The following FAT1 variants were observed in gnomAD, a reference collection of about 807,000 sequenced individuals.
The protein encoded by FAT1 is FAT atypical cadherin 1, also known as protocadherin Fat 1.
In FAT1, 171 loss-of-function variants were observed where a neutral mutation model predicts 329.8. The observed-to-expected ratio is 0.52, with a 90% confidence interval of 0.46 to 0.59. The LOEUF (loss-of-function observed/expected upper bound fraction) is 0.59, where lower values mean the gene tolerates loss of function less well. FAT1 is among the 20% of genes least tolerant of loss of function. The pLI is 0.00. For missense variants in FAT1, 5,672 were observed against 5,774.4 expected, an observed-to-expected ratio of 0.98 and a Z score of 0.57; for synonymous variants, 2,233 against 2,228.6, an observed-to-expected ratio of 1.00 and a Z score of -0.06.
Position 186,700,831 on chromosome 4 carries a change from C to G in FAT1, c.3265+5732G>C, listed in dbSNP as rs545895560. On this transcript the variant is annotated intron_variant, in intron 2 of 26. Transcript: ENST00000441802. ...CACACAGAATGCCGGGCCCAGTGCC[C>G]GGCTGTGACACTCAGTGTCGTGGTT... 1.6e-4 allele frequency among the ~76,000 whole-genome samples: 24 copies of G among 152,306 alleles called. No individual in the cohort carries two copies. The East Asian group carries it at 4.5e-3, about 28-fold the overall frequency.
Position 186,709,815 on chromosome 4 carries a change from A to G in FAT1, c.13T>C (p.Leu5=), listed in dbSNP as rs752744494. Residue 5 remains leucine (L), a synonymous_variant, in exon 2 of 27, where the codon TTG becomes CTG. Transcript: ENST00000441802. ...AGGAGCAGAAGCAGGAGCAAAGCCA[A>G]ATGTCTCCCCATTGCTTAACTGTCG... The part of the protein sequence containing the change: MGRH[L]ALLLLLLLLF... 1 of 1,603,284 alleles carries G rather than the reference A, an allele frequency of 6.2e-7. No individual in the cohort carries two copies.
chr4:186,671,237 A>G (rs1323601630), intron 2 of FAT1, among the ~76,000 whole-genome samples: 1 of 152,194 alleles, frequency 6.6e-6, no homozygotes, highest in Non-Finnish European at 1.5e-5. Flanking sequence ...TGTGTGTATA[A>G]GAAACTTTAC....
At chr4:186,726,200 C>T (rs1350782313), upstream of FAT1, among the ~76,000 whole-genome samples, 1 of 152,252 alleles carries the variant, frequency 6.6e-6, no homozygotes, top group Non-Finnish European at 1.5e-5. Flanking sequence ...CGCCGATCCG[C>T]ACAAAGCCAG....
intron 3 of FAT1, among the ~76,000 whole-genome samples, chr4:186,649,948 T>TG: frequency 6.6e-6 from 1 of 152,356 alleles, no homozygotes; most frequent in Admixed American, 6.5e-5. Flanking sequence ...CTAAAAGAAT[T>TG]GGGTAACACT....
At chr4:186,689,239 T>C (rs1235831511) in intron 2 of FAT1, among the ~76,000 whole-genome samples, 1 of 152,236 alleles carries the variant, frequency 6.6e-6, no homozygotes, top group Non-Finnish European at 1.5e-5. Flanking sequence ...TAAAGAAGAT[T>C]TGTATCTTGT....
chr4:186,688,257 G>T (rs1379536285), intron 2 of FAT1, among the ~76,000 whole-genome samples: 1 of 152,010 alleles, frequency 6.6e-6, no homozygotes, highest in Non-Finnish European at 1.5e-5. Context: ...CAGAGATATG[G>T]CAAGATGCAC....
At chr4:186,717,224 C>T (rs1745253310) in intron 1 of FAT1, among the ~76,000 whole-genome samples, 1 of 152,108 alleles carries the variant, frequency 6.6e-6, no homozygotes, top group South Asian at 2.1e-4. Context: ...AGCTTTCATC[C>T]TTACACTGAA....
chr4:186,682,194 C>G (rs1421437351), intron 2 of FAT1, among the ~76,000 whole-genome samples: 1 of 152,160 alleles, frequency 6.6e-6, no homozygotes, highest in African/African-American at 2.4e-5. Flanking sequence ...CCTAAGATTT[C>G]TTTCAAAATA....
chr4:186,692,412 A>C (rs995394928), intron 2 of FAT1, among the ~76,000 whole-genome samples: 14 of 152,046 alleles, frequency 9.2e-5, no homozygotes, highest in Non-Finnish European at 1.6e-4. Context: ...TCCCGGGTTC[A>C]CGCCATTCTC....
intron 3 of FAT1, among the ~76,000 whole-genome samples, chr4:186,648,585 C>T (rs1393445500): frequency 6.6e-6 from 1 of 152,098 alleles, no homozygotes; most frequent in Non-Finnish European, 1.5e-5. Context: ...GATGCTCTAG[C>T]CCAAATCCTG....
At chr4:186,658,057 AC>A (rs1393085709) in intron 3 of FAT1, among the ~76,000 whole-genome samples, 1 of 152,220 alleles carries the variant, frequency 6.6e-6, no homozygotes, top group Non-Finnish European at 1.5e-5. Flanking sequence ...TCTCTCTTCC[AC>A]CTTGAGCAAG....
rs369644844 is a variant in FAT1, at chr4:186,611,415, T to C, written c.9824A>G (p.His3275Arg). 5.0e-6 allele frequency: 8 copies of C among 1,613,142 alleles called. No individual in the cohort carries two copies. Among genetic ancestry groups the C allele is most frequent in the South Asian group, 1.1e-5 (1 of 90,922 alleles). The change falls in exon 14 of 27, where the codon CAT (histidine) becomes CGT (arginine). Residue 3275 changes from histidine to arginine, a missense_variant. Transcript: ENST00000441802. ...ITYSIISGNE[H>R]GKFSIDSKTG... is the part of the protein sequence containing the mutation. Reference sequence around the variant, plus strand: ...TTTAGAATCTATGCTGAATTTCCCATGTTCATTTCCACTTATTATTGAGTA... The same window carrying C: ...TTTAGAATCTATGCTGAATTTCCCACGTTCATTTCCACTTATTATTGAGTA...
intron 7 of FAT1, among the ~76,000 whole-genome samples, chr4:186,629,717 C>T (rs1039306196): frequency 6.6e-6 from 1 of 152,208 alleles, no homozygotes; most frequent in Non-Finnish European, 1.5e-5. Flanking sequence ...ATGAGGGCTA[C>T]ATCAGTGTTC....
chr4:186,594,150 A>G (rs1473678568), intron 26 of FAT1, among the ~76,000 whole-genome samples: 1 of 151,808 alleles, frequency 6.6e-6, no homozygotes, highest in Admixed American at 6.6e-5. Flanking sequence ...ACTGCAAGCT[A>G]CAACTCCCGG....
chr4:186,646,282 C>G (rs1005277197), intron 3 of FAT1, among the ~76,000 whole-genome samples: 2 of 152,084 alleles, frequency 1.3e-5, no homozygotes, highest in Non-Finnish European at 2.9e-5. Flanking sequence ...TCTGGTCACC[C>G]GATACCTTCC....
intron 26 of FAT1, chr4:186,590,496 A>G: frequency 1.2e-6 from 1 of 844,760 alleles, no homozygotes; most frequent in Non-Finnish European, 1.7e-6. Context: ...AACAATGAAA[A>G]CTGCTTACAG....
rs1374501296 is a variant in FAT1, at chr4:186,603,872, T to G, written c.10654A>C (p.Ile3552Leu). The G allele has an allele frequency of 6.2e-7, 1 of 1,613,914 alleles. No individual in the cohort carries two copies. The highest frequency in any genetic ancestry group is 1.1e-5 in the South Asian group (1 of 91,084). The change falls in exon 19 of 27, where the codon ATC (isoleucine) becomes CTC (leucine). Residue 3552 changes from isoleucine (I) to leucine (L), a missense_variant. Coordinates refer to ENST00000441802, the MANE Select transcript of FAT1 (RefSeq NM_005245.4). ...PPAILPLEIFITSSGEEYSGG... is the reference protein window; with the variant it reads ...PPAILPLEIFLTSSGEEYSGG... ...GAGTATTCTTCTCCAGAAGAGGTGA[T>G]GAAAATCTCCAGGGGCAAAATCGCA...
Position 186,611,743 on chromosome 4 carries a change from C to A in FAT1, c.9496G>T (p.Asp3166Tyr). The change falls in exon 14 of 27, where the codon GAC becomes TAC. Residue 3166 changes from aspartate to tyrosine, a missense_variant. Asp to Tyr is a radical substitution (Grantham distance 160). Coordinates refer to ENST00000441802, the MANE Select transcript of FAT1 (RefSeq NM_005245.4). ...LNRKILYSLI[D>Y]SADGQFSINE... ...ATGGAGAACTGCCCATCAGCAGAGTCAATCAGTGAGTATAAAATCTTCCGA... is the reference window on the plus strand; with the variant it reads ...ATGGAGAACTGCCCATCAGCAGAGTAAATCAGTGAGTATAAAATCTTCCGA... 1 of 1,583,058 alleles carries A rather than the reference C, an allele frequency of 6.3e-7. No individual in the cohort carries two copies. Among genetic ancestry groups the A allele is most frequent in the East Asian group, 2.3e-5 (1 of 43,764 alleles).
chr4:186,698,704 G>A (rs1179775152), intron 2 of FAT1, among the ~76,000 whole-genome samples: 2 of 152,228 alleles, frequency 1.3e-5, no homozygotes, highest in Non-Finnish European at 1.5e-5. Context: ...AGTGAGGGAA[G>A]CACGGGTGAT....
Sources: allele counts gnomAD v4.1 joint callset (sites outside exome capture counted in the v4.1 genomes callset), GRCh38; gene constraint gnomAD v4.1.1; transcripts MANE v1.5; gene names NCBI Gene and HGNC (gene_info 2026-07-23, HGNC 2026-07-21).